SMOC1: variants seen among roughly 807,000 people sequenced by gnomAD.
The protein encoded by SMOC1 is SPARC-related modular calcium-binding protein 1.
In SMOC1, 22 loss-of-function variants were observed where a neutral mutation model predicts 56.3. The observed-to-expected ratio is 0.39, with a 90% CI of 0.28 to 0.56. SMOC1 has a LOEUF of 0.56. SMOC1 is among the 20% of genes least tolerant of loss of function. The probability of loss-of-function intolerance (pLI) is 0.61; values close to 1 mark genes in which losing one functional copy is unlikely to be tolerated. For synonymous variants in SMOC1, 193 were observed against 215.0 expected (o/e 0.90, Z 0.89); for missense variants, 509 against 565.4 (o/e 0.90, Z 1.01).
At chr14:69,937,045 G>T (rs1885313335) in intron 1 of SMOC1, among the ~76,000 whole-genome samples, 2 of 152,168 alleles carry the variant, frequency 1.3e-5, no homozygotes. Context: ...TGCATTGAAG[G>T]CTGGGTGAAA....
At chr14:69,899,580 T>C (rs1884188206) in intron 1 of SMOC1, among the ~76,000 whole-genome samples, 1 of 152,240 alleles carries the variant, frequency 6.6e-6, no homozygotes, top group Admixed American at 6.5e-5. Flanking sequence ...AACATTTTTC[T>C]TCATGAATTG....
Position 69,925,973 on chromosome 14 carries a change from C to T in SMOC1, c.100-26165C>T, listed in dbSNP as rs948298490. Among the ~76,000 whole-genome samples, 24 of 152,228 alleles carry T rather than the reference C, an allele frequency of 1.6e-4. 1 individual carries two copies. Among genetic ancestry groups the T allele is most frequent in the Middle Eastern group, 3.4e-3 (1 of 294 alleles). ...TAGCTCTTCCTGCCCCCCACTCTCC[C>T]GCAGAGACTTACTCAGCTCCCCTCA... is the stretch of plus-strand genomic sequence containing the variant. On this transcript the variant is annotated intron_variant, in intron 1 of 11. Coordinates refer to ENST00000361956, the MANE Select transcript of SMOC1 (RefSeq NM_001034852.3).
intron 5 of SMOC1, among the ~76,000 whole-genome samples, chr14:69,992,204 A>G (rs1330482111): frequency 6.6e-6 from 1 of 152,158 alleles, no homozygotes; most frequent in Non-Finnish European, 1.5e-5. Context: ...TGGGATGGTG[A>G]ACACACACCT....
At chr14:70,014,540 A>T (rs142210957) in intron 10 of SMOC1, among the ~76,000 whole-genome samples, 2 of 152,230 alleles carry the variant, frequency 1.3e-5, no homozygotes, top group East Asian at 3.9e-4. Context: ...GAAGCAGAGG[A>T]GGTAAGAGTG....
At chr14:69,974,808 A>G (rs1883893626) in intron 3 of SMOC1, among the ~76,000 whole-genome samples, 1 of 152,148 alleles carries the variant, frequency 6.6e-6, no homozygotes, top group Admixed American at 6.5e-5. Flanking sequence ...GGAAGATCAC[A>G]CAGTGGTGCA....
At chr14:69,927,878 C>T (rs1053629936) in intron 1 of SMOC1, among the ~76,000 whole-genome samples, 4 of 152,164 alleles carry the variant, frequency 2.6e-5, no homozygotes, top group African/African-American at 9.7e-5. Context: ...TCACCTCCTC[C>T]AGGGGTAATG....
At chr14:69,986,721 G>A (rs1446470951) in intron 5 of SMOC1, among the ~76,000 whole-genome samples, 2 of 152,150 alleles carry the variant, frequency 1.3e-5, no homozygotes, top group Admixed American at 6.5e-5. Context: ...TCCCCAGTTT[G>A]CCTTTTCCCC....
chr14:69,961,292 ATATATATATATATATATATATATATATC>A (rs892658547), intron 3 of SMOC1, among the ~76,000 whole-genome samples: 3 of 118,762 alleles, frequency 2.5e-5, no homozygotes, highest in Non-Finnish European at 3.7e-5. Flanking sequence ...ATATATATAT[ATATATATATATATATATATATATATATC>A]CTGTTTTATT....
intron 7 of SMOC1, among the ~76,000 whole-genome samples, chr14:70,006,334 A>G (rs1480224142): frequency 6.6e-6 from 1 of 152,222 alleles, no homozygotes; most frequent in Non-Finnish European, 1.5e-5. Flanking sequence ...GCACATGGTA[A>G]ATACTCAAAT....
Position 69,980,067 on chromosome 14 carries a change from G to C in SMOC1, c.526+2102G>C, listed in dbSNP as rs556259527. Reference sequence around the variant, plus strand: ...CTCTCACTGGTCCAGCTGGAAGTGGGGGGGTGAGGGTGGCTGGGGATGTCA... The same window carrying C: ...CTCTCACTGGTCCAGCTGGAAGTGGCGGGGTGAGGGTGGCTGGGGATGTCA... On this transcript the variant is annotated intron_variant, in intron 5 of 11. Transcript: ENST00000361956. Among the ~76,000 whole-genome samples, 54 of 152,304 alleles carry C rather than the reference G, an allele frequency of 3.5e-4. 1 individual carries two copies. In the East Asian group the frequency reaches 8.7e-3, roughly 24 times the overall value.
chr14:69,944,460 T>C (rs1305264038), intron 1 of SMOC1, among the ~76,000 whole-genome samples: 1 of 152,208 alleles, frequency 6.6e-6, no homozygotes, highest in Non-Finnish European at 1.5e-5. Context: ...TCTCCTTCCC[T>C]TTCCTTCCAA....
chr14:69,965,518 A>G (rs1883542115), intron 3 of SMOC1, among the ~76,000 whole-genome samples: 1 of 152,154 alleles, frequency 6.6e-6, no homozygotes, highest in Admixed American at 6.5e-5. Flanking sequence ...TGAGTACAGT[A>G]TATAAAGAGT....
chr14:69,929,353 C>T (rs962539500), intron 1 of SMOC1, among the ~76,000 whole-genome samples: 3 of 152,208 alleles, frequency 2.0e-5, no homozygotes, highest in Non-Finnish European at 4.4e-5. Flanking sequence ...TTACATGCAT[C>T]ATCTCACTAT....
At chr14:70,004,173 C>T (rs1885068870) in intron 7 of SMOC1, among the ~76,000 whole-genome samples, 1 of 152,208 alleles carries the variant, frequency 6.6e-6, no homozygotes, top group Non-Finnish European at 1.5e-5. Flanking sequence ...TTCATCAAGG[C>T]ATCTTCCCAG....
chr14:70,023,856 T>C (rs1885829318), intron 11 of SMOC1, among the ~76,000 whole-genome samples: 1 of 146,964 alleles, frequency 6.8e-6, no homozygotes, highest in Non-Finnish European at 1.5e-5. Context: ...TGTGTGTGTG[T>C]AGGGGTAGGA....
At chr14:69,958,115 A>T (rs1479500571) in intron 3 of SMOC1, among the ~76,000 whole-genome samples, 1 of 152,202 alleles carries the variant, frequency 6.6e-6, no homozygotes, top group Admixed American at 6.5e-5. Flanking sequence ...TAAAAGCAAA[A>T]CTGAGCATGG....
intron 1 of SMOC1, among the ~76,000 whole-genome samples, chr14:69,933,023 A>C (rs1023167208): frequency 2.6e-5 from 4 of 152,188 alleles, no homozygotes; most frequent in African/African-American, 9.7e-5. Context: ...GAGAGTTTTA[A>C]TGATGAGTAT....
At chr14:69,943,767 A>G (rs1882670936) in intron 1 of SMOC1, among the ~76,000 whole-genome samples, 1 of 152,224 alleles carries the variant, frequency 6.6e-6, no homozygotes. Flanking sequence ...TTTACAAACA[A>G]GACAGAAAAA....
chr14:69,992,379 G>A (rs1225393030), intron 5 of SMOC1, 38 bp from the exon 6 acceptor site: 1 of 1,610,558 alleles, frequency 6.2e-7, no homozygotes, highest in Non-Finnish European at 8.5e-7. Flanking sequence ...CCTCAATAAT[G>A]GTAGTCTCCT....
Sources: allele counts gnomAD v4.1 joint callset (sites outside exome capture counted in the v4.1 genomes callset), GRCh38; gene constraint gnomAD v4.1.1; transcripts MANE v1.5; gene names NCBI Gene and HGNC (gene_info 2026-07-23, HGNC 2026-07-21).